The following MEGF11 variants were observed in gnomAD, a reference collection of about 807,000 sequenced individuals.
MEGF11 encodes multiple EGF like domains 11, also known as multiple epidermal growth factor-like domains protein 11.
In MEGF11, 126 loss-of-function variants were observed where a neutral mutation model predicts 146.6. That is an observed-to-expected ratio of 0.86 (90% CI 0.74 to 1.00). MEGF11 has a LOEUF of 1.00. MEGF11 is among the 50% of genes least tolerant of loss of function. MEGF11 has a pLI of 0.00. For missense variants in MEGF11, 1,509 were observed against 1,521.2 expected, an observed-to-expected ratio of 0.99 and a Z score of 0.13; for synonymous variants, 532 against 583.4, an observed-to-expected ratio of 0.91 and a Z score of 1.27.
intron 5 of MEGF11, among the ~76,000 whole-genome samples, chr15:66,056,089 C>T (rs1469452952): frequency 1.3e-5 from 2 of 152,122 alleles, no homozygotes; most frequent in Non-Finnish European, 2.9e-5. Flanking sequence ...ACATTTCACC[C>T]CCTTCCCCAG....
chr15:65,916,934 G>C lies in MEGF11; in HGVS notation c.2109C>G (p.Gly703=). 3 of 1,536,218 alleles carry C rather than the reference G, an allele frequency of 2.0e-6. No homozygotes were observed. Among genetic ancestry groups the C allele is most frequent in the Middle Eastern group, 2.1e-4 (1 of 4,760 alleles). ...AGCTGCATGCGTGGAAGCAGGCGGG[G>C]CCCCAGAACCCGGGTGGGCAAGCTG... is the stretch of plus-strand genomic sequence containing the variant. ...CSQACPPGFW[G]PACFHACSCH... is the part of the protein sequence containing the mutation. Residue 703 remains glycine, a synonymous_variant, in exon 17 of 26, where the codon GGC becomes GGG. Transcript: ENST00000395614.
chr15:65,951,687 AAAAC>A (rs373886919), intron 10 of MEGF11, among the ~76,000 whole-genome samples: 11,843 of 149,804 alleles, frequency 0.079, 536 homozygotes, highest in Non-Finnish European at 0.095. Context: ...AGTCCATCTC[AAAAC>A]AAACAAACAA....
At chr15:66,014,589 A>T (rs1567202278) in intron 5 of MEGF11, among the ~76,000 whole-genome samples, 2 of 152,186 alleles carry the variant, frequency 1.3e-5, no homozygotes, top group Admixed American at 6.5e-5. Context: ...TGAGATTCCC[A>T]GGGTACCCCA....
At chr15:66,058,104 A>G (rs1018074160) in intron 5 of MEGF11, among the ~76,000 whole-genome samples, 1 of 152,102 alleles carries the variant, frequency 6.6e-6, no homozygotes. Context: ...AAAATGCACA[A>G]TTGTTCTCTG....
intron 1 of MEGF11, among the ~76,000 whole-genome samples, chr15:66,252,904 G>C (rs1012041687): frequency 1.3e-5 from 2 of 152,126 alleles, no homozygotes; most frequent in Non-Finnish European, 2.9e-5. Flanking sequence ...TTAACTTTGG[G>C]AGCCAGGGTC....
intron 15 of MEGF11, chr15:65,921,970 C>A: frequency 4.2e-6 from 1 of 236,460 alleles, no homozygotes; most frequent in Non-Finnish European, 8.4e-6. Flanking sequence ...TGCACTCCCA[C>A]AGCATTCTCT....
chr15:66,012,019 C>A (rs1461391053), intron 5 of MEGF11, among the ~76,000 whole-genome samples: 1 of 151,526 alleles, frequency 6.6e-6, no homozygotes, highest in Non-Finnish European at 1.5e-5. Context: ...CACTTGAGCC[C>A]AGAAGTTTGA....
intron 24 of MEGF11, among the ~76,000 whole-genome samples, chr15:65,902,823 T>C (rs1261029219): frequency 1.3e-5 from 2 of 152,212 alleles, no homozygotes; most frequent in Non-Finnish European, 2.9e-5. Flanking sequence ...AGGGGGCTTC[T>C]GAGATGAACT....
rs764397646 is a variant in MEGF11, at chr15:65,930,816, A to C, written c.1408+7T>G. 6.2e-7 allele frequency: 1 copy of C among 1,603,906 alleles called. No individual in the cohort carries two copies. The highest frequency in any genetic ancestry group is 1.7e-5 in the Admixed American group (1 of 59,056). On this transcript the variant is annotated splice_region_variant and intron_variant, in intron 11 of 25. Coordinates refer to ENST00000395614, the MANE Select transcript of MEGF11 (RefSeq NM_001385028.1). ...CAGGGATGGGCTTGGGAGAGAGGGC[A>C]CATTACCTTCCTTGCAGGTACAGGA...
At chr15:66,244,447 G>C (rs762986752) in intron 1 of MEGF11, among the ~76,000 whole-genome samples, 23 of 152,144 alleles carry the variant, frequency 1.5e-4, no homozygotes, top group Non-Finnish European at 2.6e-4. Flanking sequence ...AAGCAGTGGG[G>C]CACAGTGGGA....
intron 10 of MEGF11, among the ~76,000 whole-genome samples, chr15:65,944,091 A>G (rs1476549523): frequency 2.0e-5 from 3 of 152,152 alleles, no homozygotes; most frequent in Non-Finnish European, 4.4e-5. Context: ...CATTTATTCA[A>G]CACATATTTA....
At chr15:66,080,404 C>A (rs990129159) in intron 5 of MEGF11, among the ~76,000 whole-genome samples, 3 of 151,966 alleles carry the variant, frequency 2.0e-5, no homozygotes, top group African/African-American at 7.2e-5. Context: ...CCACTGCCCT[C>A]CCATGATGGC....
intron 1 of MEGF11, among the ~76,000 whole-genome samples, chr15:66,149,992 T>G (rs973453009): frequency 1.3e-5 from 2 of 152,250 alleles, no homozygotes; most frequent in Admixed American, 1.3e-4. Context: ...GCTGGACCCC[T>G]CGAGCTGTCC....
chr15:66,252,629 G>A (rs1294003515), intron 1 of MEGF11, among the ~76,000 whole-genome samples: 1 of 152,208 alleles, frequency 6.6e-6, no homozygotes, highest in African/African-American at 2.4e-5. Context: ...GGCGCTCCCG[G>A]GCTCAGGACA....
At chr15:66,007,534 G>A (rs998742672) in intron 5 of MEGF11, among the ~76,000 whole-genome samples, 6 of 152,196 alleles carry the variant, frequency 3.9e-5, no homozygotes, top group Non-Finnish European at 8.8e-5. Context: ...TGGATCACTT[G>A]AGACTAGGAG....
At chr15:66,021,203 C>A (rs1371671303) in intron 5 of MEGF11, among the ~76,000 whole-genome samples, 1 of 152,070 alleles carries the variant, frequency 6.6e-6, no homozygotes, top group Non-Finnish European at 1.5e-5. Context: ...GCTCCTGCTC[C>A]TTGATATTGT....
intron 5 of MEGF11, among the ~76,000 whole-genome samples, chr15:66,079,951 T>C (rs2085775837): frequency 1.3e-5 from 2 of 152,160 alleles, no homozygotes; most frequent in East Asian, 3.9e-4. Flanking sequence ...TTCCCGTTTC[T>C]CCTGGGAGGC....
chr15:65,922,619 C>A, intron 14 of MEGF11, 147 bp from the exon 15 acceptor site: 1 of 1,336,754 alleles, frequency 7.5e-7, no homozygotes, highest in Non-Finnish European at 1.0e-6. Flanking sequence ...CAGAGAAGAG[C>A]TGTGGTGTGG....
At chr15:65,965,329 C>T (rs776380165) in intron 8 of MEGF11, 36 of 487,348 alleles carry the variant, frequency 7.4e-5, no homozygotes, top group Non-Finnish European at 7.9e-5. Flanking sequence ...CATGCCAGGT[C>T]GGCTCAGTCC....
Sources: allele counts gnomAD v4.1 joint callset (sites outside exome capture counted in the v4.1 genomes callset), GRCh38; gene constraint gnomAD v4.1.1; transcripts MANE v1.5; gene names NCBI Gene and HGNC (gene_info 2026-07-23, HGNC 2026-07-21).